Variants in C7 observed in about 807,000 individuals in gnomAD.
C7 encodes complement component C7.
Under a neutral mutation model 104.8 loss-of-function variants are expected in C7, and 83 were observed. The observed-to-expected ratio is 0.79, with a 90% CI of 0.66 to 0.95. The LOEUF is 0.95. Ranked by LOEUF, C7 falls within the 40% of genes least tolerant of loss-of-function variation. The pLI, the probability that C7 is intolerant of heterozygous loss-of-function variation, is 0.00. For missense variants in C7, 1,070 were observed against 1,011.2 expected (o/e 1.06, Z -0.79); for synonymous variants, 415 against 360.6 (o/e 1.15, Z -1.71).
At chr5:40,957,066 A>G (rs1740303259) in intron 10 of C7, among the ~76,000 whole-genome samples, 1 of 152,240 alleles carries the variant, frequency 6.6e-6, no homozygotes, top group Non-Finnish European at 1.5e-5. Context: ...GACTATGCAA[A>G]GCCATCGTGT....
rs143541977 is a variant in C7 at position 40,946,402 on chromosome 5, A to C, written c.738+1034A>C. ...ACTTGATTAATAAATCACTTAGGAA[A>C]ATATAAGGAATATTGATTTTATTTG... On this transcript the variant is annotated intron_variant, in intron 7 of 17. Coordinates refer to ENST00000313164, the MANE Select transcript of C7 (RefSeq NM_000587.4). Among the ~76,000 whole-genome samples the C allele has an allele frequency of 3.5e-4, 53 of 152,308 alleles. 1 individual carries two copies. Among genetic ancestry groups the C allele is most frequent in the African/African-American group, 1.3e-3 (53 of 41,572 alleles).
intron 4 of C7, among the ~76,000 whole-genome samples, chr5:40,936,092 T>C (rs1473093253): frequency 6.6e-6 from 1 of 152,196 alleles, no homozygotes; most frequent in East Asian, 1.9e-4. Context: ...GGTGAGATCC[T>C]GAAATTCTGA....
At chr5:40,919,037 G>T (rs964200989) in intron 1 of C7, among the ~76,000 whole-genome samples, 2 of 149,958 alleles carry the variant, frequency 1.3e-5, no homozygotes, top group African/African-American at 4.9e-5. Context: ...CTTCTCAAGT[G>T]CACACAGAAC....
At chr5:40,940,596 C>G (rs1276018969) in intron 6 of C7, among the ~76,000 whole-genome samples, 1 of 152,200 alleles carries the variant, frequency 6.6e-6, no homozygotes, top group South Asian at 2.1e-4. Context: ...GCTGCATTAT[C>G]TAAGCCTTTG....
intron 7 of C7, among the ~76,000 whole-genome samples, chr5:40,945,896 A>G (rs1020197325): frequency 1.4e-5 from 2 of 143,128 alleles, no homozygotes; most frequent in South Asian, 2.1e-4. Context: ...ATATATATAT[A>G]TATATATATA....
chr5:40,973,997 T>A (rs1740759010), intron 15 of C7, among the ~76,000 whole-genome samples: 1 of 152,210 alleles, frequency 6.6e-6, no homozygotes, highest in Non-Finnish European at 1.5e-5. Context: ...CTTACCAGCT[T>A]CCAAAGTTGA....
Position 40,965,648 on chromosome 5 carries a change from A to ATATATATTT in C7, c.1882+776_1882+777insATATATTTT, listed in dbSNP as rs35802990. Among the ~76,000 whole-genome samples, 637 of 130,262 alleles carry ATATATATTT rather than the reference A, an allele frequency of 4.9e-3. 5 individuals carry two copies. Among genetic ancestry groups the ATATATATTT allele is most frequent in the African/African-American group, 0.019 (584 of 31,372 alleles). 85.5% of individuals were successfully genotyped at this position (130,262 alleles called of 152,430 possible). On this transcript the variant is annotated intron_variant, in intron 14 of 17. Coordinates refer to ENST00000313164, the MANE Select transcript of C7 (RefSeq NM_000587.4). ...TAGTGATATATATATATATATATAT[A>ATATATATTT]TTTTTTTTTTGGAGACAGAGTCTCA...
intron 15 of C7, among the ~76,000 whole-genome samples, chr5:40,973,594 T>G (rs1740747842): frequency 6.6e-6 from 1 of 152,166 alleles, no homozygotes; most frequent in South Asian, 2.1e-4. Flanking sequence ...GTCCTTGGAG[T>G]GCCCTCCCTG....
intron 13 of C7, among the ~76,000 whole-genome samples, chr5:40,962,934 G>A (rs1030833158): frequency 6.6e-6 from 1 of 152,142 alleles, no homozygotes; most frequent in Admixed American, 6.5e-5. Context: ...CCAAATGTAG[G>A]CACTATTGGG....
At position 40,934,348 on chromosome 5, in the gene C7, G is replaced by A. The variant is rs371288921; in HGVS notation, c.162G>A (p.Val54=). The change falls in exon 4 of 18, where the codon GTG becomes GTA. Residue 54 remains valine, a synonymous_variant. Coordinates refer to ENST00000313164, the MANE Select transcript of C7 (RefSeq NM_000587.4). ...AGACTCGCAGGCGGTCAGTTGCTGT[G>A]TATGGGCAGTATGGAGGCCAGCCTT... ...KTQTRRRSVA[V]YGQYGGQPCV... 2.5e-6 allele frequency: 4 copies of A among 1,612,832 alleles called. No individual in the cohort carries two copies. The highest frequency in any genetic ancestry group is 2.2e-5 in the East Asian group (1 of 44,868).
intron 16 of C7, among the ~76,000 whole-genome samples, chr5:40,978,810 T>C (rs1359513078): frequency 6.6e-6 from 1 of 150,928 alleles, no homozygotes; most frequent in Non-Finnish European, 1.5e-5. Flanking sequence ...CATTTCTAAA[T>C]AGCTATTTTT....
In C7 at chr5:40,984,377, T is replaced by C. The variant is rs949806551; in HGVS notation, c.*2804T>C. ...ATTACCTAGCAACTAGCCAGGTAAC[T>C]GGCTAATCTGATTGAGGGTTGCCCT... On this transcript the variant is annotated 3_prime_UTR_variant, in exon 18 of 18. Coordinates refer to ENST00000313164, the MANE Select transcript of C7 (RefSeq NM_000587.4). 1.3e-5 allele frequency among the ~76,000 whole-genome samples: 2 copies of C among 152,176 alleles called. No individual in the cohort carries two copies. The highest frequency in any genetic ancestry group is 2.9e-5 in the Non-Finnish European group (2 of 68,048).
intron 16 of C7, among the ~76,000 whole-genome samples, chr5:40,977,720 G>A (rs1021374501): frequency 1.3e-5 from 2 of 152,212 alleles, no homozygotes; most frequent in Non-Finnish European, 2.9e-5. Context: ...GGCCGAGGAA[G>A]TCCACGATGT....
At chr5:40,930,839 T>C (rs953081205) in intron 2 of C7, among the ~76,000 whole-genome samples, 5 of 152,196 alleles carry the variant, frequency 3.3e-5, no homozygotes, top group Admixed American at 3.3e-4. Flanking sequence ...GTGCTAGGAT[T>C]ACAGGTTTGA....
At chr5:40,914,782 G>C (rs143986990) in intron 1 of C7, among the ~76,000 whole-genome samples, 1 of 152,152 alleles carries the variant, frequency 6.6e-6, no homozygotes, top group African/African-American at 2.4e-5. Context: ...ATTGTGCATC[G>C]GAGATATAGG....
intron 5 of C7, 135 bp from the exon 6 acceptor site, chr5:40,937,417 C>T (rs958076631): frequency 1.5e-5 from 12 of 786,174 alleles, no homozygotes; most frequent in African/African-American, 1.4e-4. Context: ...TTTGAACTCT[C>T]TCAAAGAAGT....
intron 10 of C7, among the ~76,000 whole-genome samples, chr5:40,956,831 C>G (rs1005192549): frequency 1.3e-5 from 2 of 152,148 alleles, no homozygotes; most frequent in African/African-American, 4.8e-5. Context: ...CTTAAAGGAC[C>G]ATCTGTTAAT....
rs1247964584 is a variant in C7, at chr5:40,965,646, A to ATTTTTT, written c.1882+774_1882+775insTTTTTT. Among the ~76,000 whole-genome samples the ATTTTTT allele has an allele frequency of 3.9e-3, 391 of 99,074 alleles. 2 individuals are homozygous for ATTTTTT. Among genetic ancestry groups the ATTTTTT allele is most frequent in the African/African-American group, 0.016 (368 of 23,580 alleles). 65.0% of individuals were successfully genotyped at this position (99,074 alleles called of 152,430 possible). A position where few individuals can be genotyped will look rare whatever the true frequency, so the allele number is the denominator to read the frequency against. ...TATAGTGATATATATATATATATATATATTTTTTTTTTGGAGACAGAGTCT... is the reference window on the plus strand; with the variant it reads ...TATAGTGATATATATATATATATATATTTTTTTATTTTTTTTTTGGAGACAGAGTCT... On this transcript the variant is annotated intron_variant, in intron 14 of 17. Transcript: ENST00000313164.
chr5:40,970,760 C>T (rs1740681458), intron 14 of C7, among the ~76,000 whole-genome samples: 1 of 152,018 alleles, frequency 6.6e-6, no homozygotes. Context: ...CCTCCCCTTG[C>T]CCCCCATCCC....
Sources: gnomAD v4.1 joint callset for allele counts (sites outside exome capture counted in the v4.1 genomes callset) on GRCh38, gnomAD v4.1.1 for gene constraint, MANE v1.5 for transcripts, NCBI Gene and HGNC (gene_info 2026-07-23, HGNC 2026-07-21) for gene names.